TNIK: variants seen among roughly 807,000 people sequenced by gnomAD.
The protein encoded by TNIK is TRAF2 and NCK-interacting protein kinase.
TNIK carries 49 observed loss-of-function variants against 191.3 expected under a neutral mutation model. The observed-to-expected ratio is 0.26, with a 90% CI of 0.20 to 0.32. The LOEUF is 0.32. Ranked by LOEUF, TNIK falls within the 10% of genes least tolerant of loss-of-function variation. The pLI is 1.00. For synonymous variants in TNIK, 594 were observed against 600.9 expected (o/e 0.99, Z 0.17); for missense variants, 1,155 against 1,702.3 (o/e 0.68, Z 5.66).
chr3:171,101,294 A>C (rs1723513668), intron 22 of TNIK, among the ~76,000 whole-genome samples, 155 bp downstream of exon 22: 1 of 152,186 alleles, frequency 6.6e-6, no homozygotes. Context: ...AGAGATAATT[A>C]TAGAACTATG....
At chr3:171,427,549 A>G (rs1215241064) in intron 1 of TNIK, among the ~76,000 whole-genome samples, 3 of 152,170 alleles carry the variant, frequency 2.0e-5, no homozygotes, top group Non-Finnish European at 4.4e-5. Context: ...ATACAACAAC[A>G]TATTAAAGCA....
chr3:171,301,637 G>A (rs927419224), intron 2 of TNIK, among the ~76,000 whole-genome samples: 1 of 152,124 alleles, frequency 6.6e-6, no homozygotes, highest in African/African-American at 2.4e-5. Flanking sequence ...TTTCAACACT[G>A]CACTGCATTA....
chr3:171,197,477 A>T (rs1367828766), intron 4 of TNIK, among the ~76,000 whole-genome samples: 1 of 151,586 alleles, frequency 6.6e-6, no homozygotes, highest in African/African-American at 2.4e-5. Flanking sequence ...AGCCCACAGA[A>T]TGGGAAAAGT....
chr3:171,172,957 G>A (rs945898852), intron 9 of TNIK, among the ~76,000 whole-genome samples: 2 of 152,170 alleles, frequency 1.3e-5, no homozygotes, highest in East Asian at 3.8e-4. Context: ...CTCAAACAAG[G>A]TCAGCACACC....
intron 2 of TNIK, among the ~76,000 whole-genome samples, chr3:171,237,047 A>G (rs745614153): frequency 1.1e-4 from 17 of 152,212 alleles, no homozygotes; most frequent in Admixed American, 6.5e-4. Flanking sequence ...CATTCACTTA[A>G]TAGACTTCTG....
At position 171,280,885 on chromosome 3, in the gene TNIK, G is replaced by A. The variant is rs116443964; in HGVS notation, c.124-52664C>T. Among the ~76,000 whole-genome samples, 231 of 152,194 alleles carry A rather than the reference G, an allele frequency of 1.5e-3. 2 individuals are homozygous for A. Among genetic ancestry groups the A allele is most frequent in the African/African-American group, 5.3e-3 (221 of 41,528 alleles). ...TCTATTACTATATGTTACTATATAT[G>A]CTGTTATGTTACTATAATGCTGACC... On this transcript the variant is annotated intron_variant, in intron 2 of 32. Coordinates refer to ENST00000436636, the MANE Select transcript of TNIK (RefSeq NM_015028.4).
chr3:171,357,127 A>G lies in TNIK; in HGVS notation c.123+12493T>C, dbSNP rs146472595. On this transcript the variant is annotated intron_variant, in intron 2 of 32. Coordinates refer to ENST00000436636, the MANE Select transcript of TNIK (RefSeq NM_015028.4). ...TTGTCCTATTCTCTTCTGTCATATT[A>G]GATGGTAGGCGGACACTGTTTTTAC... Among the ~76,000 whole-genome samples the G allele has an allele frequency of 8.4e-3, 1,272 of 152,284 alleles. 15 individuals carry two copies. Among genetic ancestry groups the G allele is most frequent in the African/African-American group, 0.029 (1,202 of 41,550 alleles).
chr3:171,383,840 A>T (rs1201293213), intron 1 of TNIK, among the ~76,000 whole-genome samples: 2 of 152,168 alleles, frequency 1.3e-5, no homozygotes, highest in Non-Finnish European at 2.9e-5. Context: ...ACTAGATTAC[A>T]TTCAATCAAC....
intron 1 of TNIK, among the ~76,000 whole-genome samples, chr3:171,394,642 C>T (rs894806434): frequency 6.6e-6 from 1 of 152,162 alleles, no homozygotes; most frequent in African/African-American, 2.4e-5. Context: ...TCATAAGACA[C>T]CTAGCTTTTA....
chr3:171,100,554 G>GAAAT (rs944211965), intron 22 of TNIK, among the ~76,000 whole-genome samples: 1 of 151,964 alleles, frequency 6.6e-6, no homozygotes, highest in African/African-American at 2.4e-5. Context: ...CTGAGCCAAA[G>GAAAT]AAATAGAGGT....
intron 21 of TNIK, among the ~76,000 whole-genome samples, chr3:171,103,319 G>A (rs763343924): frequency 2.0e-5 from 3 of 152,058 alleles, no homozygotes; most frequent in Non-Finnish European, 2.9e-5. Context: ...ATAAAAAGAA[G>A]AGGAAAACCA....
chr3:171,327,734 A>T (rs977166935), intron 2 of TNIK, among the ~76,000 whole-genome samples: 2 of 151,920 alleles, frequency 1.3e-5, no homozygotes, highest in African/African-American at 4.8e-5. Context: ...GTGTTACCGC[A>T]GCATAGCCTA....
At chr3:171,087,826 CTT>C (rs1721567320) in intron 23 of TNIK, among the ~76,000 whole-genome samples, 1 of 152,194 alleles carries the variant, frequency 6.6e-6, no homozygotes, top group African/African-American at 2.4e-5. Context: ...CTTGTAAACT[CTT>C]TTGTAGTACT....
chr3:171,262,715 G>GA (rs1296335225), intron 2 of TNIK, among the ~76,000 whole-genome samples: 2 of 152,196 alleles, frequency 1.3e-5, no homozygotes, highest in African/African-American at 4.8e-5. Context: ...TTGCCTACCA[G>GA]AAAAAATTCT....
At chr3:171,305,009 T>TAAAAA (rs36069177) in intron 2 of TNIK, among the ~76,000 whole-genome samples, 1 of 77,266 alleles carries the variant, frequency 1.3e-5, no homozygotes, top group Non-Finnish European at 2.9e-5. Context: ...AAAGTATAAT[T>TAAAAA]AAAAAAAAAA....
intron 15 of TNIK, among the ~76,000 whole-genome samples, chr3:171,137,968 C>CAA (rs58897378): frequency 3.3e-5 from 4 of 119,544 alleles, no homozygotes; most frequent in Non-Finnish European, 5.3e-5. Flanking sequence ...CAAAGATATA[C>CAA]AAAAAAAAAA....
In TNIK at chr3:171,084,191, G is replaced by A. The variant is rs759338285; in HGVS notation, c.3133C>T (p.Arg1045Ter). ...DTPEIRKYKKRFNSEILCAAL... is the reference protein window; with the variant it reads ...DTPEIRKYKK ...GCACAAAGTATTTCTGAGTTGAATC[G>A]TTTCTTGTATTTTCTGATTTCTGGT... is the stretch of plus-strand genomic sequence containing the variant. The change falls in exon 26 of 33, where the codon CGA (arginine) becomes TGA (stop). Residue 1045 changes from arginine to a stop codon, truncating the protein, a stop_gained. Coordinates refer to ENST00000436636, the MANE Select transcript of TNIK (RefSeq NM_015028.4). LOFTEE classifies it high-confidence loss of function. The A allele has an allele frequency of 6.2e-7, 1 of 1,611,806 alleles. No homozygotes were observed.
At chr3:171,207,615 G>A (rs1740262632) in intron 4 of TNIK, among the ~76,000 whole-genome samples, 1 of 152,176 alleles carries the variant, frequency 6.6e-6, no homozygotes, top group South Asian at 2.1e-4. Flanking sequence ...GGGACTTCCA[G>A]GGTGCTGATA....
At chr3:171,426,723 C>T (rs901736990) in intron 1 of TNIK, among the ~76,000 whole-genome samples, 8 of 152,134 alleles carry the variant, frequency 5.3e-5, no homozygotes, top group Non-Finnish European at 1.0e-4. Flanking sequence ...CCTTTAGCCC[C>T]TTCTCACCAC....
Sources: allele counts gnomAD v4.1 joint callset (sites outside exome capture counted in the v4.1 genomes callset), GRCh38; gene constraint gnomAD v4.1.1; transcripts MANE v1.5; gene names NCBI Gene and HGNC (gene_info 2026-07-23, HGNC 2026-07-21).